The following PCDHGC4 variants were observed in gnomAD, a reference collection of about 807,000 sequenced individuals.
PCDHGC4 encodes protocadherin gamma subfamily C, 4, also known as protocadherin gamma-C4.
PCDHGC4 carries 15 observed loss-of-function variants against 59.7 expected under a neutral mutation model. The ratio of observed to expected loss-of-function variants is 0.25; its 90% CI spans 0.17 to 0.39. The LOEUF is 0.39. PCDHGC4 is among the 10% of genes least tolerant of loss of function. PCDHGC4 has a pLI of 1.00. For missense variants in PCDHGC4, 1,016 were observed against 1,189.5 expected (o/e 0.85, Z 2.15); for synonymous variants, 434 against 481.4 (o/e 0.90, Z 1.29).
In PCDHGC4 at chr5:141,491,707, G is replaced by A. The variant is rs1337506934; in HGVS notation, c.2443-3100G>A. ...GCTGCGGGAGCGGAGCCAGGTGAGG[G>A]GCTCGGCGCCGCCCCGGGCGACCCC... On this transcript the variant is annotated intron_variant, in intron 1 of 3. Transcript: ENST00000306593. The surrounding 1 kb of genome is among the most constrained non-coding windows in gnomAD (Gnocchi z 6.9). The A allele has an allele frequency of 6.2e-6, 10 of 1,610,604 alleles. No homozygotes were observed. Among genetic ancestry groups the A allele is most frequent in the Admixed American group, 1.7e-5 (1 of 59,554 alleles).
At position 141,491,093 on chromosome 5, in the gene PCDHGC4, T is replaced by G; in HGVS notation, c.2442+3478T>G. The G allele has an allele frequency of 6.2e-7, 1 of 1,614,160 alleles. No individual in the cohort carries two copies. The highest frequency in any genetic ancestry group is 8.5e-7 in the Non-Finnish European group (1 of 1,180,008). On this transcript the variant is annotated intron_variant, in intron 1 of 3. Transcript: ENST00000306593. This position sits in a 1 kb window ranked among gnomAD's most constrained non-coding sequence, Gnocchi z 6.9. ...TTGCCACAGTCCACAGCCCCAGGAC[T>G]GTTCCTCGTGTCTACACACACTGGT... is the stretch of plus-strand genomic sequence containing the variant.
rs11952292 is a variant in PCDHGC4 at position 141,491,682 on chromosome 5, G to T, written c.2443-3125G>T. The T allele has an allele frequency of 0.072, 115,891 of 1,613,112 alleles. 4,572 individuals carry two copies. The highest frequency in any genetic ancestry group is 0.11 in the South Asian group (9,996 of 91,042). ...ACGCCATCCGGTCCCGCTCTAATAC[G>T]CTGCGGGAGCGGAGCCAGGTGAGGG... On this transcript the variant is annotated intron_variant, in intron 1 of 3. Coordinates refer to ENST00000306593, the MANE Select transcript of PCDHGC4 (RefSeq NM_018928.3). The surrounding 1 kb of genome is among the most constrained non-coding windows in gnomAD (Gnocchi z 6.9).
chr5:141,489,040 C>G lies in PCDHGC4; in HGVS notation c.2442+1425C>G. On this transcript the variant is annotated intron_variant, in intron 1 of 3. Coordinates refer to ENST00000306593, the MANE Select transcript of PCDHGC4 (RefSeq NM_018928.3). This position sits in a 1 kb window ranked among gnomAD's most constrained non-coding sequence, Gnocchi z 4.5. ...CCTCTCCTCCTCCAGCTCCCCAGCT[C>G]CACTCAAATTCAGCTCCCCTCCCCC... 1 of 479,752 alleles carries G rather than the reference C, an allele frequency of 2.1e-6. No homozygotes were observed. The highest frequency in any genetic ancestry group is 3.6e-6 in the Non-Finnish European group (1 of 274,204). 29.7% of individuals were successfully genotyped at this position (479,752 alleles called of 1,614,324 possible). A position where few individuals can be genotyped will look rare whatever the true frequency, so the allele number is the denominator to read the frequency against.
rs1219684339 is a variant in PCDHGC4, at chr5:141,506,444, CAAAAAAAAAAA to C, written c.2590+974_2590+984del. Among the ~76,000 whole-genome samples, 33 of 95,024 alleles carry C rather than the reference CAAAAAAAAAAA, an allele frequency of 3.5e-4. No individual in the cohort carries two copies. The East Asian group carries it at 0.011, about 31-fold the overall frequency. The allele number at this position is 95,024 out of a possible 152,430, so 62.3% of individuals were successfully genotyped here. On this transcript the variant is annotated intron_variant, in intron 3 of 3. Coordinates refer to ENST00000306593, the MANE Select transcript of PCDHGC4 (RefSeq NM_018928.3). ...CCTGGGCAACAGTCTCGCTCTGTCTCAAAAAAAAAAAAAAAAAAAAAGAGCACAGGCTTTAG... is the reference window on the plus strand; with the variant it reads ...CCTGGGCAACAGTCTCGCTCTGTCTCAAAAAAAAAAGAGCACAGGCTTTAG...
At position 141,485,286 on chromosome 5, in the gene PCDHGC4, A is replaced by G; in HGVS notation, c.113A>G (p.Glu38Gly). The G allele has an allele frequency of 2.5e-6, 4 of 1,614,044 alleles. No individual in the cohort carries two copies. The change falls in exon 1 of 4, where the codon GAG becomes GGG. Residue 38 changes from glutamate to glycine, a missense_variant. Glu to Gly is a moderately conservative substitution (Grantham distance 98). Transcript: ENST00000306593. This position sits in a 1 kb window ranked among gnomAD's most constrained non-coding sequence, Gnocchi z 5.7. ...CGQIRYPVPE[E>G]SQEGTFVGNV... ...CAGATCCGCTACCCGGTCCCAGAGG[A>G]GTCACAGGAAGGGACTTTTGTAGGG...
In PCDHGC4 at chr5:141,487,761, C is replaced by T. The variant is rs1331182183; in HGVS notation, c.2442+146C>T. Reference sequence around the variant, plus strand: ...GTAAGAGGTAACTATGTGGTAGACGCTGTGCTTTGTAACTGTTTCGTGAAT... The same window carrying T: ...GTAAGAGGTAACTATGTGGTAGACGTTGTGCTTTGTAACTGTTTCGTGAAT... On this transcript the variant is annotated intron_variant, in intron 1 of 3. Coordinates refer to ENST00000306593, the MANE Select transcript of PCDHGC4 (RefSeq NM_018928.3). The surrounding 1 kb of genome is among the most constrained non-coding windows in gnomAD (Gnocchi z 5.0). 3.2e-6 allele frequency: 5 copies of T among 1,545,926 alleles called. No individual in the cohort carries two copies. Among genetic ancestry groups the T allele is most frequent in the South Asian group, 1.2e-5 (1 of 83,534 alleles).
chr5:141,486,091 G>T lies in PCDHGC4; in HGVS notation c.918G>T (p.Gly306=). ...CTACTGGAAAGCTTACTCTTTTGGG[G>T]CCCCTAGACTTTGAGAGTGAGAATT... The part of the protein sequence containing the change: ...HPTTGKLTLL[G]PLDFESENYY... Residue 306 remains glycine, a synonymous_variant, in exon 1 of 4, where the codon GGG becomes GGT. Coordinates refer to ENST00000306593, the MANE Select transcript of PCDHGC4 (RefSeq NM_018928.3). This position sits in a 1 kb window ranked among gnomAD's most constrained non-coding sequence, Gnocchi z 5.0. 1 of 1,614,158 alleles carries T rather than the reference G, an allele frequency of 6.2e-7. No homozygotes were observed. Among genetic ancestry groups the T allele is most frequent in the South Asian group, 1.1e-5 (1 of 91,078 alleles).
chr5:141,509,699 C>T (rs779592471), intron 3 of PCDHGC4, among the ~76,000 whole-genome samples: 4 of 152,168 alleles, frequency 2.6e-5, no homozygotes, highest in Non-Finnish European at 5.9e-5. Flanking sequence ...GGACGTTGGA[C>T]TGGAGGTGCT....
chr5:141,498,967 GGGAGGGAAGGAAGGAA>G (rs1333462541), intron 2 of PCDHGC4, among the ~76,000 whole-genome samples: 8 of 129,672 alleles, frequency 6.2e-5, no homozygotes, highest in East Asian at 2.2e-4. Context: ...GAGGGAGGGA[GGGAGGGAAGGAAGGAA>G]GGAAGGAAGG....
At chr5:141,500,244 T>C (rs1426405294) in intron 2 of PCDHGC4, among the ~76,000 whole-genome samples, 1 of 151,640 alleles carries the variant, frequency 6.6e-6, no homozygotes, top group Non-Finnish European at 1.5e-5. Context: ...AGCCTTGCTC[T>C]GTCACCCAGG....
intron 2 of PCDHGC4, among the ~76,000 whole-genome samples, chr5:141,495,440 A>G (rs2099761377): frequency 6.6e-6 from 1 of 151,898 alleles, no homozygotes; most frequent in African/African-American, 2.4e-5. Context: ...CTCTGCCCCT[A>G]CTTGTCCTGC....
At position 141,489,257 on chromosome 5, in the gene PCDHGC4, T is replaced by TC. The variant is rs773157586; in HGVS notation, c.2442+1645dup. The stretch of plus-strand genomic sequence containing the variant: ...TTCTGGGTCATGGGGCCCAAGACAC[T>TC]CCCACAGCTCGCTGGGAAATGGCAA... On this transcript the variant is annotated intron_variant, in intron 1 of 3. Coordinates refer to ENST00000306593, the MANE Select transcript of PCDHGC4 (RefSeq NM_018928.3). The surrounding 1 kb of genome is among the most constrained non-coding windows in gnomAD (Gnocchi z 4.5). 1 of 1,550,308 alleles carries TC rather than the reference T, an allele frequency of 6.5e-7. No homozygotes were observed. Among genetic ancestry groups the TC allele is most frequent in the Non-Finnish European group, 8.7e-7 (1 of 1,148,342 alleles).
At chr5:141,510,366 T>A (rs1452829030) in intron 3 of PCDHGC4, among the ~76,000 whole-genome samples, 1 of 140,062 alleles carries the variant, frequency 7.1e-6, no homozygotes, top group Non-Finnish European at 1.6e-5. Context: ...AACTACCGAA[T>A]CTCTACTCGT....
intron 3 of PCDHGC4, 119 bp downstream of exon 3, chr5:141,505,600 G>T: frequency 1.3e-6 from 2 of 1,554,224 alleles, no homozygotes; most frequent in Middle Eastern, 3.4e-4. Context: ...AGATCTTTCG[G>T]CAGGTCTGAA....
chr5:141,511,411 A>T lies in PCDHGC4; in HGVS notation c.*238A>T. On this transcript the variant is annotated 3_prime_UTR_variant, in exon 4 of 4. Transcript: ENST00000306593. ...GAACCCCCATCCAATCAACTGCTGTACCCATGGGGGTAGTGGGGTTACTGT... is the reference window on the plus strand; with the variant it reads ...GAACCCCCATCCAATCAACTGCTGTTCCCATGGGGGTAGTGGGGTTACTGT... 1.1e-6 allele frequency: 1 copy of T among 901,334 alleles called. No individual in the cohort carries two copies. Among genetic ancestry groups the T allele is most frequent in the Non-Finnish European group, 1.6e-6 (1 of 617,750 alleles). 55.8% of individuals were successfully genotyped at this position (901,334 alleles called of 1,614,324 possible).
intron 1 of PCDHGC4, among the ~76,000 whole-genome samples, chr5:141,488,554 T>C (rs1313975033): frequency 6.6e-6 from 1 of 152,064 alleles, no homozygotes; most frequent in African/African-American, 2.4e-5. Context: ...CAGCTGACAT[T>C]GAGATTTCCG....
At chr5:141,498,669 C>T (rs774292307) in intron 2 of PCDHGC4, among the ~76,000 whole-genome samples, 29 of 152,156 alleles carry the variant, frequency 1.9e-4, no homozygotes, top group African/African-American at 6.0e-4. Flanking sequence ...TGGTGGCTCA[C>T]GCCTGTAATC....
Position 141,489,765 on chromosome 5 carries a change from C to A in PCDHGC4, c.2442+2150C>A. On this transcript the variant is annotated intron_variant, in intron 1 of 3. Transcript: ENST00000306593. The surrounding 1 kb of genome is among the most constrained non-coding windows in gnomAD (Gnocchi z 4.5). ...TGAGCTTTTACACTCTAAGCCCCAA[C>A]AGCCACTTCTCTCTGAATGTGAAGA... 2.5e-6 allele frequency: 4 copies of A among 1,614,174 alleles called. No individual in the cohort carries two copies. The highest frequency in any genetic ancestry group is 3.4e-6 in the Non-Finnish European group (4 of 1,179,992).
At position 141,486,735 on chromosome 5, in the gene PCDHGC4, G is replaced by T; in HGVS notation, c.1562G>T (p.Arg521Leu). 6.2e-7 allele frequency: 1 copy of T among 1,614,176 alleles called. No individual in the cohort carries two copies. The highest frequency in any genetic ancestry group is 1.1e-5 in the South Asian group (1 of 91,086). The change falls in exon 1 of 4, where the codon CGA (arginine) becomes CTA (leucine). Residue 521 changes from arginine (R) to leucine (L), a missense_variant. Physicochemically the swap from Arg to Leu is moderately radical, Grantham distance 102. Coordinates refer to ENST00000306593, the MANE Select transcript of PCDHGC4 (RefSeq NM_018928.3). The surrounding 1 kb of genome is among the most constrained non-coding windows in gnomAD (Gnocchi z 5.0). ...NPQTGAVHAT[R>L]SFDYEQTQTL... Reference sequence around the variant, plus strand: ...CAGACAGGAGCTGTTCATGCTACTCGATCCTTTGACTATGAGCAAACCCAG... The same window carrying T: ...CAGACAGGAGCTGTTCATGCTACTCTATCCTTTGACTATGAGCAAACCCAG...
Sources: allele counts gnomAD v4.1 joint callset (sites outside exome capture counted in the v4.1 genomes callset), GRCh38; gene constraint gnomAD v4.1.1; non-coding constraint Gnocchi (gnomAD v3.1); transcripts MANE v1.5; gene names NCBI Gene and HGNC (gene_info 2026-07-23, HGNC 2026-07-21).